The following SCAMP2 variants were observed in gnomAD, a reference collection of about 807,000 sequenced individuals.
The protein encoded by SCAMP2 is secretory carrier-associated membrane protein 2.
Under a neutral mutation model 44.1 loss-of-function variants are expected in SCAMP2, and 25 were observed. The observed-to-expected ratio is 0.57, with a 90% confidence interval of 0.41 to 0.79. The LOEUF (loss-of-function observed/expected upper bound fraction) is 0.79. SCAMP2 is among the 30% of genes least tolerant of loss of function. The probability of loss-of-function intolerance (pLI) is 0.00; values close to 1 mark genes in which losing one functional copy is unlikely to be tolerated. For synonymous variants in SCAMP2, 156 were observed against 166.0 expected, an observed-to-expected ratio of 0.94 and a Z score of 0.46; for missense variants, 355 against 411.0, an observed-to-expected ratio of 0.86 and a Z score of 1.18.
intron 7 of SCAMP2, among the ~76,000 whole-genome samples, chr15:74,847,211 C>A (rs1224680638): frequency 6.6e-6 from 1 of 151,260 alleles, no homozygotes; most frequent in African/African-American, 2.4e-5. Context: ...TCTGCCTCAG[C>A]CTCCCAAGTA....
chr15:74,872,711 C>T (rs2064585122), intron 1 of SCAMP2, among the ~76,000 whole-genome samples: 3 of 152,176 alleles, frequency 2.0e-5, no homozygotes, highest in Admixed American at 2.0e-4. Context: ...ACTTTATACA[C>T]TAGTTTGGCT....
rs777552071 is a variant in SCAMP2 at position 74,853,997 on chromosome 15, G to A, written c.225+24C>T. 5.7e-6 allele frequency: 9 copies of A among 1,586,810 alleles called. No individual in the cohort carries two copies. In the African/African-American group the frequency reaches 8.1e-5, roughly 14 times the overall value. On this transcript the variant is annotated intron_variant, in intron 3 of 8. Transcript: ENST00000268099. ...ATGATTCCCTCACTGGAGAGAAAAG[G>A]CCAGAGTTCTTTGTCAGCACTACCT...
intron 1 of SCAMP2, among the ~76,000 whole-genome samples, chr15:74,864,783 G>A (rs1453515560): frequency 6.6e-6 from 1 of 152,104 alleles, no homozygotes; most frequent in African/African-American, 2.4e-5. Context: ...GGCAGGAAAG[G>A]GAAGGGAAAG....
At chr15:74,845,687 G>A (rs2064394899) in intron 7 of SCAMP2, 94 bp from the exon 8 acceptor site, 2 of 1,478,888 alleles carry the variant, frequency 1.4e-6, no homozygotes, top group Non-Finnish European at 1.9e-6. Flanking sequence ...GCTGTGTCCT[G>A]ACCATCACCT....
chr15:74,859,289 A>T (rs1250229046), intron 1 of SCAMP2, among the ~76,000 whole-genome samples: 1 of 152,184 alleles, frequency 6.6e-6, no homozygotes. Context: ...CAGTGTGAGG[A>T]ACATACCACA....
chr15:74,864,209 G>C (rs1185506195), intron 1 of SCAMP2, among the ~76,000 whole-genome samples: 3 of 152,222 alleles, frequency 2.0e-5, no homozygotes, highest in East Asian at 1.9e-4. Flanking sequence ...TTACAGGTGT[G>C]TGCCACCATG....
Position 74,873,272 on chromosome 15 carries a change from C to T in SCAMP2, c.-17G>A. Reference sequence around the variant, plus strand: ...AGCCGACATGGTGATCGGGGGCCAGCGGGCGAACTCCGCGAACGCTGCTGC... The same window carrying T: ...AGCCGACATGGTGATCGGGGGCCAGTGGGCGAACTCCGCGAACGCTGCTGC... On this transcript the variant is annotated 5_prime_UTR_variant, in exon 1 of 9. Coordinates refer to ENST00000268099, the MANE Select transcript of SCAMP2 (RefSeq NM_005697.5). 6.8e-7 allele frequency: 1 copy of T among 1,478,120 alleles called. No individual in the cohort carries two copies. The highest frequency in any genetic ancestry group is 1.4e-5 in the South Asian group (1 of 73,190). The allele number at this position is 1,478,120 out of a possible 1,614,324, so 91.6% of individuals were successfully genotyped here.
chr15:74,856,802 C>A (rs938517963), intron 1 of SCAMP2, among the ~76,000 whole-genome samples: 1 of 151,950 alleles, frequency 6.6e-6, no homozygotes, highest in Non-Finnish European at 1.5e-5. Context: ...TGCTTTGTTG[C>A]CCAGGCTGGT....
chr15:74,845,417 A>C, intron 8 of SCAMP2, 56 bp downstream of exon 8: 1 of 1,613,120 alleles, frequency 6.2e-7, no homozygotes, highest in Admixed American at 1.7e-5. Context: ...TGGCAAGGGC[A>C]GGAAACGGTT....
Position 74,852,041 on chromosome 15 carries a change from AGCCCCAGGC to A in SCAMP2, c.343+19_343+27del. 1 of 1,484,284 alleles carries A rather than the reference AGCCCCAGGC, an allele frequency of 6.7e-7. No homozygotes were observed. The highest frequency in any genetic ancestry group is 9.1e-7 in the Non-Finnish European group (1 of 1,096,260). 91.9% of individuals were successfully genotyped at this position (1,484,284 alleles called of 1,614,324 possible). ...GACACTCTTCTATGCCAGGCAGGGCAGCCCCAGGCCCCAGCAGCCTCCCTTACCATGCAA... is the reference window on the plus strand; with the variant it reads ...GACACTCTTCTATGCCAGGCAGGGCACCCAGCAGCCTCCCTTACCATGCAA... On this transcript the variant is annotated intron_variant, in intron 4 of 8. Coordinates refer to ENST00000268099, the MANE Select transcript of SCAMP2 (RefSeq NM_005697.5).
intron 1 of SCAMP2, among the ~76,000 whole-genome samples, chr15:74,863,810 T>C (rs1439369749): frequency 3.3e-5 from 5 of 152,070 alleles, no homozygotes; most frequent in Non-Finnish European, 7.4e-5. Flanking sequence ...GTACAGAGAA[T>C]CACACAGAAG....
At chr15:74,867,235 G>A (rs2064549836) in intron 1 of SCAMP2, among the ~76,000 whole-genome samples, 1 of 152,268 alleles carries the variant, frequency 6.6e-6, no homozygotes, top group Non-Finnish European at 1.5e-5. Context: ...AGCAGCACTT[G>A]CTGGATGGGT....
chr15:74,850,445 C>T (rs1281509906), intron 6 of SCAMP2, 69 bp downstream of exon 6: 3 of 1,403,070 alleles, frequency 2.1e-6, no homozygotes, highest in Non-Finnish European at 3.0e-6. Flanking sequence ...GTCCCAGGGC[C>T]TATAGCCCTT....
chr15:74,846,342 T>A (rs180753489), intron 7 of SCAMP2, among the ~76,000 whole-genome samples: 183 of 148,168 alleles, frequency 1.2e-3, no homozygotes, highest in African/African-American at 4.4e-3. Context: ...CTACTTGGGA[T>A]GCTGAGGTAG....
intron 1 of SCAMP2, chr15:74,872,825 G>C (rs1389901782): frequency 5.1e-6 from 1 of 195,832 alleles, no homozygotes; most frequent in Non-Finnish European, 1.0e-5. Flanking sequence ...CTCTTCTAAA[G>C]TGACTCAAGA....
chr15:74,869,222 A>G (rs751711211), intron 1 of SCAMP2, among the ~76,000 whole-genome samples: 1 of 152,122 alleles, frequency 6.6e-6, no homozygotes, highest in Admixed American at 6.6e-5. Flanking sequence ...CCACAGAACC[A>G]TGAGCACCTT....
chr15:74,853,468 G>A (rs770105150), intron 3 of SCAMP2: 12 of 456,356 alleles, frequency 2.6e-5, no homozygotes, highest in East Asian at 2.1e-4. Flanking sequence ...TTGGGCAGGC[G>A]GGAACTTGCT....
chr15:74,851,205 A>AGGCAT (rs2064433192), intron 5 of SCAMP2, 148 bp downstream of exon 5: 1 of 864,654 alleles, frequency 1.2e-6, no homozygotes, highest in Non-Finnish European at 1.8e-6. Flanking sequence ...CTGTGGGCAG[A>AGGCAT]GGCATCTCCC....
Position 74,844,829 on chromosome 15 carries a change from G to C in SCAMP2, c.*254C>G. The C allele has an allele frequency of 2.3e-6, 1 of 440,342 alleles. No individual in the cohort carries two copies. The highest frequency in any genetic ancestry group is 4.1e-6 in the Non-Finnish European group (1 of 242,144). The allele number at this position is 440,342 out of a possible 1,614,324, so 27.3% of individuals were successfully genotyped here. On this transcript the variant is annotated 3_prime_UTR_variant, in exon 9 of 9. Coordinates refer to ENST00000268099, the MANE Select transcript of SCAMP2 (RefSeq NM_005697.5). Reference sequence around the variant, plus strand: ...GAGAACTTCAGTCCCACTGCTTCCAGAGACAAAAGAATCCTACCAAACCAT... The same window carrying C: ...GAGAACTTCAGTCCCACTGCTTCCACAGACAAAAGAATCCTACCAAACCAT...
Sources: gnomAD v4.1 joint callset for allele counts (sites outside exome capture counted in the v4.1 genomes callset) on GRCh38, gnomAD v4.1.1 for gene constraint, MANE v1.5 for transcripts, NCBI Gene and HGNC (gene_info 2026-07-23, HGNC 2026-07-21) for gene names.